The following NKIRAS2 variants were observed in gnomAD, a reference collection of about 807,000 sequenced individuals.
The protein encoded by NKIRAS2 is NFKB inhibitor interacting Ras like 2.
NKIRAS2 carries 15 observed loss-of-function variants against 20.7 expected under a neutral mutation model. The observed-to-expected ratio is 0.73, with a 90% CI of 0.49 to 1.12. The LOEUF is 1.12. NKIRAS2 is among the 50% of genes most tolerant of loss of function. The pLI is 0.00. For synonymous variants in NKIRAS2, 116 were observed against 101.4 expected (o/e 1.14, Z -0.87); for missense variants, 196 against 249.6 (o/e 0.79, Z 1.45).
At chr17:42,021,522 C>T (rs1555652962) in intron 1 of NKIRAS2, 42 bp from the exon 2 acceptor site, 2 of 1,540,410 alleles carry the variant, frequency 1.3e-6, no homozygotes, top group Non-Finnish European at 1.8e-6. Context: ...TGTGTTGATG[C>T]TTTCTTTCCT....
chr17:42,017,712 T>G (rs1485316109), upstream of NKIRAS2: 9 of 515,900 alleles, frequency 1.7e-5, no homozygotes, highest in South Asian at 4.4e-5. Flanking sequence ...GCTTTCAGTA[T>G]TCCAAGAGCC....
Position 42,024,086 on chromosome 17 carries a change from C to T in NKIRAS2, c.*193C>T, listed in dbSNP as rs1180158613. 11 of 777,506 alleles carry T rather than the reference C, an allele frequency of 1.4e-5. No homozygotes were observed. The highest frequency in any genetic ancestry group is 5.7e-5 in the East Asian group (2 of 35,086). 48.2% of individuals were successfully genotyped at this position (777,506 alleles called of 1,614,324 possible). A position where few individuals can be genotyped will look rare whatever the true frequency, so the allele number is the denominator to read the frequency against. On this transcript the variant is annotated 3_prime_UTR_variant, in exon 4 of 4. Coordinates refer to ENST00000393885, the MANE Select transcript of NKIRAS2 (RefSeq NM_017595.6). The stretch of plus-strand genomic sequence containing the variant: ...AAATACTCTTGGTTGACATCCCCTT[C>T]CTCAGCCCTCCCAGCCTACTCCCCA...
At chr17:42,019,426 C>G (rs1399906049), upstream of NKIRAS2, among the ~76,000 whole-genome samples, 1 of 152,228 alleles carries the variant, frequency 6.6e-6, no homozygotes, top group East Asian at 1.9e-4. Context: ...TCTTCATTGG[C>G]AATGGCTTTC....
In NKIRAS2 at chr17:42,022,609, A is replaced by T; in HGVS notation, c.305A>T (p.Lys102Met). ...ESFQRVELLK[K>M]EIDKSKDKKE... Reference sequence around the variant, plus strand: ...TTTCAGCGTGTGGAGCTGCTCAAGAAGGAGATTGACAAATCCAAGGACAAG... The same window carrying T: ...TTTCAGCGTGTGGAGCTGCTCAAGATGGAGATTGACAAATCCAAGGACAAG... Residue 102 changes from lysine (K) to methionine (M), a missense_variant, in exon 3 of 4, where the codon AAG becomes ATG. By Grantham distance (95) the Lys-to-Met change is moderately conservative (BLOSUM62 -1). Coordinates refer to ENST00000393885, the MANE Select transcript of NKIRAS2 (RefSeq NM_017595.6). 2 of 1,613,860 alleles carry T rather than the reference A, an allele frequency of 1.2e-6. No individual in the cohort carries two copies. The highest frequency in any genetic ancestry group is 1.7e-6 in the Non-Finnish European group (2 of 1,179,814).
At chr17:42,022,783 C>T (rs2052489022) in intron 3 of NKIRAS2, 143 bp downstream of exon 3, 3 of 995,536 alleles carry the variant, frequency 3.0e-6, no homozygotes, top group Admixed American at 5.1e-5. Context: ...CTGAGGGTAT[C>T]TTTACCCTCA....
At chr17:42,021,915 A>G (rs782645694) in intron 2 of NKIRAS2, 1 of 687,792 alleles carries the variant, frequency 1.5e-6, no homozygotes, top group Non-Finnish European at 2.7e-6. Context: ...TTAGCATAAA[A>G]TTAATGTCCA....
At position 42,024,915 on chromosome 17, in the gene NKIRAS2, A is replaced by G. The variant is rs1395748237; in HGVS notation, c.*1022A>G. 6.6e-6 allele frequency: 1 copy of G among 152,550 alleles called. No homozygotes were observed. Among genetic ancestry groups the G allele is most frequent in the Non-Finnish European group, 1.5e-5 (1 of 68,038 alleles). The allele number at this position is 152,550 out of a possible 1,614,324, so 9.4% of individuals were successfully genotyped here. A position where few individuals can be genotyped will look rare whatever the true frequency, so the allele number is the denominator to read the frequency against. On this transcript the variant is annotated 3_prime_UTR_variant, in exon 4 of 4. Transcript: ENST00000393885. ...CCAGCCCACTTTGTGACCCAGCAAGACCTTTCCCCTCTCTGGGCATCAGTT... is the reference window on the plus strand; with the variant it reads ...CCAGCCCACTTTGTGACCCAGCAAGGCCTTTCCCCTCTCTGGGCATCAGTT...
upstream of NKIRAS2, chr17:42,017,639 C>T (rs2052343381): frequency 1.7e-6 from 1 of 590,378 alleles, no homozygotes; most frequent in South Asian, 2.0e-5. Flanking sequence ...GCGTAGGCGG[C>T]GCCACTTTAC....
intron 1 of NKIRAS2, chr17:42,021,349 C>A: frequency 1.9e-6 from 1 of 513,066 alleles, no homozygotes; most frequent in Non-Finnish European, 3.6e-6. Context: ...TGGAGACATC[C>A]GTTTCCTCTG....
At chr17:42,019,638 A>G (rs1198343022), upstream of NKIRAS2, among the ~76,000 whole-genome samples, 2 of 152,118 alleles carry the variant, frequency 1.3e-5, no homozygotes, top group Non-Finnish European at 1.5e-5. Flanking sequence ...CAGGCCCTTC[A>G]GTGTCTGCTG....
upstream of NKIRAS2, chr17:42,020,049 C>T (rs1459662517): frequency 6.6e-6 from 1 of 152,440 alleles, no homozygotes; most frequent in Non-Finnish European, 1.5e-5. Context: ...TTCGTCTTGC[C>T]TGACGGAAGC....
chr17:42,024,130 C>G lies in NKIRAS2; in HGVS notation c.*237C>G. The G allele has an allele frequency of 1.8e-6, 1 of 549,342 alleles. No individual in the cohort carries two copies. Among genetic ancestry groups the G allele is most frequent in the Non-Finnish European group, 3.2e-6 (1 of 317,092 alleles). 34.0% of individuals were successfully genotyped at this position (549,342 alleles called of 1,614,324 possible). ...CTCCCCATCCCAGCTTTTAGAGGAT[C>G]TGCTCCACTGTCTCCTGGGGCAGTT... On this transcript the variant is annotated 3_prime_UTR_variant, in exon 4 of 4. Transcript: ENST00000393885.
chr17:42,022,512 G>A lies in NKIRAS2; in HGVS notation c.208G>A (p.Glu70Lys), dbSNP rs781985896. The stretch of plus-strand genomic sequence containing the variant: ...CACCCGGGGGCTCCGAGATGGGGCC[G>A]AACTGCCCCGACACTGCTTCTCTTG... ...YDTRGLRDGAELPRHCFSCTD... is the reference protein window; with the variant it reads ...YDTRGLRDGAKLPRHCFSCTD... Residue 70 changes from glutamate to lysine, a missense_variant, in exon 3 of 4, where the codon GAA (glutamate) becomes AAA (lysine). Coordinates refer to ENST00000393885, the MANE Select transcript of NKIRAS2 (RefSeq NM_017595.6). The A allele has an allele frequency of 3.3e-5, 53 of 1,613,912 alleles. No homozygotes were observed. The highest frequency in any genetic ancestry group is 1.2e-4 in the African/African-American group (9 of 74,920).
Position 42,021,688 on chromosome 17 carries a change from G to C in NKIRAS2, c.94+17G>C, listed in dbSNP as rs376666315. 2,623 of 1,606,274 alleles carry C rather than the reference G, an allele frequency of 1.6e-3. 2 individuals carry two copies. The highest frequency in any genetic ancestry group is 2.1e-3 in the Non-Finnish European group (2,476 of 1,173,014). On this transcript the variant is annotated intron_variant, in intron 2 of 3. Coordinates refer to ENST00000393885, the MANE Select transcript of NKIRAS2 (RefSeq NM_017595.6). The stretch of plus-strand genomic sequence containing the variant: ...ATGTAGTGGGTGAGTGTTGTTGGAG[G>C]GGGAGGAACAGTGGAAGAAGTTGAA...
chr17:42,021,425 T>C, intron 1 of NKIRAS2, 139 bp from the exon 2 acceptor site: 1 of 671,168 alleles, frequency 1.5e-6, no homozygotes, highest in South Asian at 1.7e-5. Context: ...ACATTCAGTT[T>C]AGAACTCTCA....
In NKIRAS2 at chr17:42,022,204, C is replaced by A. The variant is rs561795421; in HGVS notation, c.95-195C>A. On this transcript the variant is annotated intron_variant, in intron 2 of 3. Coordinates refer to ENST00000393885, the MANE Select transcript of NKIRAS2 (RefSeq NM_017595.6). ...AGCCTGGGCAACGAGAGCAAAACTC[C>A]GTCTCAAAAAAAGAAAGAAATTAAT... The A allele has an allele frequency of 3.5e-5, 21 of 599,806 alleles. No individual in the cohort carries two copies. The South Asian group carries it at 4.4e-4, about 13-fold the overall frequency. The allele number at this position is 599,806 out of a possible 1,614,324, so 37.2% of individuals were successfully genotyped here.
rs372292232 is a variant in NKIRAS2 at position 42,023,851 on chromosome 17, C to G, written c.534C>G (p.Pro178=). ...AACCCCAGAGCAAGTCTGCCTTCCCCCTCAGCCGGAAGAACAAGGGCAGCG... is the reference window on the plus strand; with the variant it reads ...AACCCCAGAGCAAGTCTGCCTTCCCGCTCAGCCGGAAGAACAAGGGCAGCG... The part of the protein sequence containing the change: ...MTQPQSKSAF[P]LSRKNKGSGS... The change falls in exon 4 of 4, where the codon CCC becomes CCG. Residue 178 remains proline (P), a synonymous_variant. Transcript: ENST00000393885. 1.9e-6 allele frequency: 3 copies of G among 1,614,056 alleles called. No homozygotes were observed. Among genetic ancestry groups the G allele is most frequent in the African/African-American group, 2.7e-5 (2 of 74,910 alleles).
chr17:42,022,723 C>T, intron 3 of NKIRAS2, 83 bp downstream of exon 3: 4 of 1,500,972 alleles, frequency 2.7e-6, no homozygotes, highest in Non-Finnish European at 2.7e-6. Context: ...TGGCATGGCT[C>T]CATTCTTCAC....
chr17:42,021,643 G>A lies in NKIRAS2; in HGVS notation c.66G>A (p.Glu22=), dbSNP rs2052452960. The A allele has an allele frequency of 2.5e-6, 4 of 1,614,172 alleles. No individual in the cohort carries two copies. The highest frequency in any genetic ancestry group is 3.4e-6 in the Non-Finnish European group (4 of 1,180,010). Residue 22 remains glutamate (E), a synonymous_variant, in exon 2 of 4, where the codon GAG becomes GAA. Coordinates refer to ENST00000393885, the MANE Select transcript of NKIRAS2 (RefSeq NM_017595.6). ...CTGTGGGCAAAACTTCAATCCTGGA[G>A]CAGCTTCTGTATGGGAACCATGTAG... ...QASVGKTSIL[E]QLLYGNHVVG...
Sources: allele counts gnomAD v4.1 joint callset (sites outside exome capture counted in the v4.1 genomes callset), GRCh38; gene constraint gnomAD v4.1.1; transcripts MANE v1.5; gene names NCBI Gene and HGNC (gene_info 2026-07-23, HGNC 2026-07-21).